The following SLC25A36 variants were observed in gnomAD, a reference collection of about 807,000 sequenced individuals.
SLC25A36 encodes solute carrier family 25 member 36, also known as epididymis secretory sperm binding protein.
Under a neutral mutation model 35.3 loss-of-function variants are expected in SLC25A36, and 24 were observed. That is an observed-to-expected ratio of 0.68 (90% CI 0.49 to 0.96). The LOEUF (loss-of-function observed/expected upper bound fraction) is 0.96, where lower values mean the gene tolerates loss of function less well. Ranked by LOEUF, SLC25A36 falls within the 40% of genes least tolerant of loss-of-function variation. The probability of loss-of-function intolerance (pLI) is 0.00; values close to 1 mark genes in which losing one functional copy is unlikely to be tolerated. For synonymous variants in SLC25A36, 141 were observed against 132.2 expected, an observed-to-expected ratio of 1.07 and a Z score of -0.46; for missense variants, 294 against 381.1, an observed-to-expected ratio of 0.77 and a Z score of 1.90.
intron 1 of SLC25A36, among the ~76,000 whole-genome samples, chr3:140,943,041 T>TAAAAAA (rs1934061419): frequency 6.6e-6 from 1 of 152,234 alleles, no homozygotes; most frequent in Non-Finnish European, 1.5e-5. Context: ...GTTCCCTGAT[T>TAAAAAA]GCCAAAATGA....
intron 3 of SLC25A36, among the ~76,000 whole-genome samples, chr3:140,961,711 C>G (rs1388911396): frequency 6.6e-6 from 1 of 151,796 alleles, no homozygotes; most frequent in Non-Finnish European, 1.5e-5. Context: ...AAAAAATTAG[C>G]CGGGTGTGGT....
intron 5 of SLC25A36, chr3:140,972,654 A>C (rs990680989): frequency 6.6e-6 from 1 of 152,104 alleles, no homozygotes; most frequent in African/African-American, 2.4e-5. Flanking sequence ...TAATAAAAAA[A>C]TAAAAATAGG....
chr3:140,942,950 G>A (rs1196469898), intron 1 of SLC25A36, among the ~76,000 whole-genome samples: 1 of 152,184 alleles, frequency 6.6e-6, no homozygotes, highest in Non-Finnish European at 1.5e-5. Context: ...GAAAGTAGGA[G>A]TGGAGAGAGG....
intron 5 of SLC25A36, among the ~76,000 whole-genome samples, chr3:140,972,579 T>C (rs1358128690): frequency 6.6e-6 from 1 of 151,426 alleles, no homozygotes; most frequent in East Asian, 1.9e-4. Context: ...GAGGCTGCAG[T>C]GAGCCATGAT....
intron 4 of SLC25A36, chr3:140,966,951 C>T: frequency 2.2e-6 from 1 of 456,272 alleles, no homozygotes; most frequent in Non-Finnish European, 4.4e-6. Context: ...CTGTACATTT[C>T]TCCCGAGAAA....
rs186354955 is a variant in SLC25A36, at chr3:140,968,076, C to T, written c.386-2851C>T. The T allele has an allele frequency of 1.0e-3, 1,029 of 984,974 alleles. 1 individual carries two copies. Among genetic ancestry groups the T allele is most frequent in the Non-Finnish European group, 1.2e-3 (996 of 829,598 alleles). The allele number at this position is 984,974 out of a possible 1,614,324, so 61.0% of individuals were successfully genotyped here. On this transcript the variant is annotated intron_variant, in intron 4 of 6. Transcript: ENST00000324194. The stretch of plus-strand genomic sequence containing the variant: ...GGAAGATATGTTTAGCTTGGGCTAA[C>T]CTCAAATTGCCTTACCATATATAAT...
At chr3:140,946,719 A>T (rs1280762457) in intron 1 of SLC25A36, among the ~76,000 whole-genome samples, 3 of 152,200 alleles carry the variant, frequency 2.0e-5, no homozygotes, top group Admixed American at 1.3e-4. Context: ...CTGTCAACTG[A>T]GATGGGCAAG....
chr3:140,951,632 C>T (rs533989820), intron 1 of SLC25A36, among the ~76,000 whole-genome samples: 2 of 151,952 alleles, frequency 1.3e-5, no homozygotes, highest in East Asian at 3.9e-4. Context: ...TACAGGCGTG[C>T]ACCACCACGC....
Position 140,978,570 on chromosome 3 carries a change from A to G in SLC25A36, c.*2117A>G, listed in dbSNP as rs1427431771. 1 of 152,212 alleles carries G rather than the reference A, an allele frequency of 6.6e-6. No individual in the cohort carries two copies. The highest frequency in any genetic ancestry group is 1.5e-5 in the Non-Finnish European group (1 of 68,028). 9.4% of individuals were successfully genotyped at this position (152,212 alleles called of 1,614,324 possible). A position where few individuals can be genotyped will look rare whatever the true frequency, so the allele number is the denominator to read the frequency against. On this transcript the variant is annotated 3_prime_UTR_variant, in exon 7 of 7. Coordinates refer to ENST00000324194, the MANE Select transcript of SLC25A36 (RefSeq NM_001104647.3). ...TATTTAGTTGTAGCATATTCATAAC[A>G]AGTGTCCTTCAAGGATAAACATATA... is the stretch of plus-strand genomic sequence containing the variant.
At chr3:140,972,960 A>G (rs1934944111) in intron 5 of SLC25A36, 1 of 152,316 alleles carries the variant, frequency 6.6e-6, no homozygotes, top group African/African-American at 2.4e-5. Context: ...TGTTGGGGGA[A>G]TCAGTGTAAG....
chr3:140,946,832 A>T (rs1474286619), intron 1 of SLC25A36, among the ~76,000 whole-genome samples: 1 of 152,114 alleles, frequency 6.6e-6, no homozygotes. Context: ...TGTTTAAGTG[A>T]TTGGATTACT....
At chr3:140,948,284 CTT>C (rs774391062) in intron 1 of SLC25A36, among the ~76,000 whole-genome samples, 12 of 151,974 alleles carry the variant, frequency 7.9e-5, no homozygotes, top group African/African-American at 2.2e-4. Context: ...TTGAAAAACT[CTT>C]TAAGTTTGGC....
intron 5 of SLC25A36, chr3:140,973,396 C>G (rs746839975): frequency 5.7e-6 from 1 of 176,788 alleles, no homozygotes; most frequent in East Asian, 1.4e-4. Flanking sequence ...TTGTTTTTGT[C>G]TTGAGCTGCA....
intron 3 of SLC25A36, 44 bp from the exon 4 acceptor site, chr3:140,963,083 G>A (rs374739253): frequency 3.1e-4 from 362 of 1,164,686 alleles, no homozygotes; most frequent in Non-Finnish European, 3.9e-4. Flanking sequence ...TAAATCTTAC[G>A]CATTAAGAAC....
rs571442904 is a variant in SLC25A36, at chr3:140,956,433, G to T, written c.42-94G>T. On this transcript the variant is annotated intron_variant, in intron 1 of 6. Transcript: ENST00000324194. ...TTATAAATTTTAGTATGTTGGCAAAGCTCCAGGTACCCATGTGGATTACAG... is the reference window on the plus strand; with the variant it reads ...TTATAAATTTTAGTATGTTGGCAAATCTCCAGGTACCCATGTGGATTACAG... 8.5e-6 allele frequency: 11 copies of T among 1,294,620 alleles called. No homozygotes were observed. The African/African-American group carries it at 1.7e-4, about 20-fold the overall frequency. 80.2% of individuals were successfully genotyped at this position (1,294,620 alleles called of 1,614,324 possible).
chr3:140,952,644 T>G (rs1260827147), intron 1 of SLC25A36, among the ~76,000 whole-genome samples: 2 of 152,174 alleles, frequency 1.3e-5, no homozygotes, highest in Non-Finnish European at 2.9e-5. Context: ...TACAAAATGC[T>G]TTATGTGGAT....
At chr3:140,964,238 G>GTAT (rs1033877887) in intron 4 of SLC25A36, 1 of 151,814 alleles carries the variant, frequency 6.6e-6, no homozygotes, top group African/African-American at 2.4e-5. Context: ...TTTCTGAAAG[G>GTAT]TCAATAGCCC....
chr3:140,947,325 T>A (rs1576475739), intron 1 of SLC25A36, among the ~76,000 whole-genome samples: 1 of 152,274 alleles, frequency 6.6e-6, no homozygotes, highest in East Asian at 1.9e-4. Flanking sequence ...GGAAATTTAC[T>A]TTTACTAAAC....
chr3:140,945,853 A>G (rs1181136631), intron 1 of SLC25A36, among the ~76,000 whole-genome samples: 3 of 152,194 alleles, frequency 2.0e-5, no homozygotes, highest in African/African-American at 7.2e-5. Context: ...TTGTGTGACA[A>G]AATGGGAAAT....
Sources: allele counts gnomAD v4.1 joint callset (sites outside exome capture counted in the v4.1 genomes callset), GRCh38; gene constraint gnomAD v4.1.1; transcripts MANE v1.5; gene names NCBI Gene and HGNC (gene_info 2026-07-23, HGNC 2026-07-21).